Variants in LYZL4 observed in about 807,000 individuals in gnomAD.
LYZL4 encodes lysozyme-like protein 4.
Under a neutral mutation model 17.6 loss-of-function variants are expected in LYZL4, and 13 were observed. The observed-to-expected ratio is 0.74, with a 90% confidence interval of 0.48 to 1.18. LYZL4 has a LOEUF of 1.18. LYZL4 is among the 50% of genes most tolerant of loss of function. The probability of loss-of-function intolerance (pLI) is 0.00; values close to 1 mark genes in which losing one functional copy is unlikely to be tolerated. For synonymous variants in LYZL4, 64 were observed against 67.7 expected (o/e 0.95, Z 0.27); for missense variants, 174 against 188.2 (o/e 0.92, Z 0.44).
chr3:42,406,865 G>A lies in LYZL4; in HGVS notation c.273C>T (p.Arg91=), dbSNP rs1698763067. Residue 91 remains arginine, a synonymous_variant, in exon 3 of 5, where the codon CGC becomes CGT. Coordinates refer to ENST00000287748, the MANE Select transcript of LYZL4 (RefSeq NM_144634.4). Reference sequence around the variant, plus strand: ...ACTTACCGGAACATGACATATGGCAGCGGTTCCTGCCATGGTCGCCACACC... The same window carrying A: ...ACTTACCGGAACATGACATATGGCAACGGTTCCTGCCATGGTCGCCACACC... The part of the protein sequence containing the change: ...SDWCGDHGRN[R]CHMSCSALLN... The A allele has an allele frequency of 1.2e-6, 2 of 1,614,146 alleles. No homozygotes were observed. The highest frequency in any genetic ancestry group is 2.2e-5 in the East Asian group (1 of 44,884).
At chr3:42,392,499 CA>C (rs1456493812), downstream of LYZL4, among the ~76,000 whole-genome samples, 1 of 152,212 alleles carries the variant, frequency 6.6e-6, no homozygotes, top group Non-Finnish European at 1.5e-5. Context: ...TGACACTAGT[CA>C]ACAGGATTTT....
the LYZL4 span, among the ~76,000 whole-genome samples, chr3:42,383,288 C>A: frequency 6.6e-6 from 1 of 152,130 alleles, no homozygotes. Context: ...AGGTGGGAGG[C>A]TGCAGCAACC....
chr3:42,373,640 G>GA, the LYZL4 span, among the ~76,000 whole-genome samples: 1 of 152,132 alleles, frequency 6.6e-6, no homozygotes, highest in South Asian at 2.1e-4. Context: ...GGGCTAAGCT[G>GA]AATAGCACAC....
chr3:42,375,360 C>A, the LYZL4 span, among the ~76,000 whole-genome samples: 1 of 152,206 alleles, frequency 6.6e-6, no homozygotes, highest in Admixed American at 6.5e-5. Context: ...ATTTGGAAAA[C>A]AAGCCCTGGT....
chr3:42,380,698 A>G, the LYZL4 span, among the ~76,000 whole-genome samples: 5 of 152,216 alleles, frequency 3.3e-5, no homozygotes, highest in African/African-American at 9.6e-5. Context: ...ATCTAAAAGA[A>G]CAGACATCTA....
chr3:42,375,287 A>G, the LYZL4 span, among the ~76,000 whole-genome samples: 1 of 152,192 alleles, frequency 6.6e-6, no homozygotes, highest in Non-Finnish European at 1.5e-5. Flanking sequence ...AGAATAGTCG[A>G]TCTAACCGTT....
the LYZL4 span, among the ~76,000 whole-genome samples, chr3:42,365,183 G>A: frequency 6.6e-6 from 1 of 152,108 alleles, no homozygotes; most frequent in Non-Finnish European, 1.5e-5. Context: ...GTAATTTGGG[G>A]AAATTTGAAT....
chr3:42,389,217 G>A, the LYZL4 span, among the ~76,000 whole-genome samples: 3 of 152,310 alleles, frequency 2.0e-5, no homozygotes, highest in East Asian at 5.8e-4. Flanking sequence ...CTAGAAGGCA[G>A]AAGGGAGGTA....
chr3:42,384,545 C>T, the LYZL4 span, among the ~76,000 whole-genome samples: 1 of 152,136 alleles, frequency 6.6e-6, no homozygotes, highest in African/African-American at 2.4e-5. Context: ...TCTGAACATC[C>T]TGAGAGGAGA....
intron 1 of LYZL4, among the ~76,000 whole-genome samples, chr3:42,408,963 T>C (rs974720201): frequency 6.6e-6 from 1 of 152,192 alleles, no homozygotes; most frequent in Non-Finnish European, 1.5e-5. Flanking sequence ...AAGTTAGAAA[T>C]AAGTGTATTC....
chr3:42,404,263 T>C (rs1239159537), intron 3 of LYZL4, 139 bp from the exon 4 acceptor site: 1 of 532,872 alleles, frequency 1.9e-6, no homozygotes, highest in African/African-American at 2.0e-5. Context: ...AGATTTTTAT[T>C]AGACAACCCT....
At chr3:42,379,630 G>A in the LYZL4 span, among the ~76,000 whole-genome samples, 1 of 152,280 alleles carries the variant, frequency 6.6e-6, no homozygotes, top group South Asian at 2.1e-4. Context: ...TGGGAGTTAT[G>A]TCTCTCCTCT....
At chr3:42,392,324 G>T (rs924657147), downstream of LYZL4, among the ~76,000 whole-genome samples, 3 of 152,178 alleles carry the variant, frequency 2.0e-5, no homozygotes, top group African/African-American at 7.2e-5. Flanking sequence ...GGTCTTATCT[G>T]ATGGCTTCTA....
At chr3:42,377,556 G>C in the LYZL4 span, among the ~76,000 whole-genome samples, 1 of 151,670 alleles carries the variant, frequency 6.6e-6, no homozygotes, top group South Asian at 2.1e-4. Context: ...TTTGTGTAAA[G>C]GCACTGTCTG....
At chr3:42,406,709 G>A (rs148550512) in intron 3 of LYZL4, 137 bp downstream of exon 3, 1 of 1,074,444 alleles carries the variant, frequency 9.3e-7, no homozygotes, top group Non-Finnish European at 1.3e-6. Flanking sequence ...AGCCTCCCAG[G>A]GACCCACCCT....
chr3:42,361,852 A>T, the LYZL4 span, among the ~76,000 whole-genome samples: 1 of 152,244 alleles, frequency 6.6e-6, no homozygotes, highest in East Asian at 1.9e-4. Context: ...GACCTCTCCC[A>T]CTATCAACCT....
At chr3:42,375,620 G>T in the LYZL4 span, among the ~76,000 whole-genome samples, 1 of 152,186 alleles carries the variant, frequency 6.6e-6, no homozygotes, top group Non-Finnish European at 1.5e-5. Context: ...GGGAAGAGCC[G>T]GGGAGACAGG....
the LYZL4 span, among the ~76,000 whole-genome samples, chr3:42,382,209 G>C: frequency 6.6e-6 from 1 of 152,216 alleles, no homozygotes; most frequent in Non-Finnish European, 1.5e-5. Flanking sequence ...GCTGTGCAAT[G>C]TTCCAGTGGT....
the LYZL4 span, among the ~76,000 whole-genome samples, chr3:42,391,972 G>A: frequency 3.3e-5 from 5 of 151,204 alleles, no homozygotes; most frequent in Admixed American, 2.0e-4. Flanking sequence ...GGGCTTAATC[G>A]ATCCTCCCAC....
Sources: allele counts gnomAD v4.1 joint callset (sites outside exome capture counted in the v4.1 genomes callset), GRCh38; gene constraint gnomAD v4.1.1; transcripts MANE v1.5; gene names NCBI Gene and HGNC (gene_info 2026-07-23, HGNC 2026-07-21).